Variants in TUSC3 observed in about 807,000 individuals in gnomAD.
The protein encoded by TUSC3 is dolichyl-diphosphooligosaccharide--protein glycosyltransferase subunit TUSC3.
Under a neutral mutation model 44.8 loss-of-function variants are expected in TUSC3, and 45 were observed. That is an observed-to-expected ratio of 1.00 (90% confidence interval 0.79 to 1.29). The LOEUF (loss-of-function observed/expected upper bound fraction) is 1.29. Ranked by LOEUF, TUSC3 falls within the 50% of genes most tolerant of loss-of-function variation. The probability of loss-of-function intolerance (pLI) is 0.00; values close to 1 mark genes in which losing one functional copy is unlikely to be tolerated. For missense variants in TUSC3, 519 were observed against 437.9 expected, an observed-to-expected ratio of 1.19 and a Z score of -1.65; for synonymous variants, 212 against 152.9, an observed-to-expected ratio of 1.39 and a Z score of -2.85.
At chr8:15,764,145 A>G (rs1370534216) in intron 10 of TUSC3, 58 bp from the exon 11 acceptor site, 3 of 1,441,890 alleles carry the variant, frequency 2.1e-6, no homozygotes, top group Non-Finnish European at 2.9e-6. Flanking sequence ...AATAACAAAC[A>G]TATTGTATTT....
At chr8:15,606,271 A>G (rs185637996) in intron 1 of TUSC3, among the ~76,000 whole-genome samples, 2 of 152,224 alleles carry the variant, frequency 1.3e-5, no homozygotes, top group East Asian at 1.9e-4. Context: ...ATACAGTACT[A>G]TAAATGTATT....
chr8:15,689,824 GT>G (rs2129189268), intron 6 of TUSC3, among the ~76,000 whole-genome samples: 1 of 25,154 alleles, frequency 4.0e-5, no homozygotes, highest in South Asian at 1.6e-3. Context: ...AGTCCATGGT[GT>G]GTGTGTGTGT....
At chr8:15,430,898 G>A (rs976871838) in intron 1 of TUSC3, among the ~76,000 whole-genome samples, 1 of 151,714 alleles carries the variant, frequency 6.6e-6, no homozygotes, top group African/African-American at 2.4e-5. Context: ...TTGTACACCA[G>A]TTACTAAAGA....
At chr8:15,704,255 G>GTGT (rs1809525237) in intron 6 of TUSC3, among the ~76,000 whole-genome samples, 1 of 137,080 alleles carries the variant, frequency 7.3e-6, no homozygotes, top group East Asian at 2.2e-4. Flanking sequence ...ATTCTTAATG[G>GTGT]TTTTTTTTTT....
intron 2 of TUSC3, among the ~76,000 whole-genome samples, chr8:15,627,320 C>T (rs1464069381): frequency 6.6e-6 from 1 of 152,182 alleles, no homozygotes; most frequent in Non-Finnish European, 1.5e-5. Context: ...GAAGACTTGT[C>T]AGGACATCCT....
At chr8:15,646,881 T>C (rs920015475) in intron 2 of TUSC3, among the ~76,000 whole-genome samples, 1 of 152,186 alleles carries the variant, frequency 6.6e-6, no homozygotes, top group Non-Finnish European at 1.5e-5. Context: ...GGTATAGATT[T>C]AACTCATCTC....
the TUSC3 span, among the ~76,000 whole-genome samples, chr8:15,850,431 T>G: frequency 6.6e-6 from 1 of 152,166 alleles, no homozygotes; most frequent in African/African-American, 2.4e-5. Flanking sequence ...TTGCTGACAT[T>G]TATATAATTA....
chr8:15,813,649 C>G, the TUSC3 span, among the ~76,000 whole-genome samples: 1 of 152,130 alleles, frequency 6.6e-6, no homozygotes, highest in African/African-American at 2.4e-5. Flanking sequence ...ATATATTAAT[C>G]TATAAAATAT....
chr8:15,601,409 C>G (rs1585141718), intron 1 of TUSC3, among the ~76,000 whole-genome samples: 1 of 151,566 alleles, frequency 6.6e-6, no homozygotes, highest in Non-Finnish European at 1.5e-5. Context: ...GGGAGAGATC[C>G]AGGCACACTG....
chr8:15,608,652 G>C (rs547925454), intron 1 of TUSC3, among the ~76,000 whole-genome samples: 1 of 152,100 alleles, frequency 6.6e-6, no homozygotes, highest in Admixed American at 6.6e-5. Flanking sequence ...TAGTGCGTGA[G>C]TCTCGTGAGA....
chr8:15,766,045 T>C lies in TUSC3; in HGVS notation c.*1889T>C, dbSNP rs1812316641. On this transcript the variant is annotated 3_prime_UTR_variant, in exon 11 of 11. Transcript: ENST00000503731. ...AAAGTCAGGTCATCCTCAGACACTATAACTAAGATAGATAAGGAGTACTTT... is the reference window on the plus strand; with the variant it reads ...AAAGTCAGGTCATCCTCAGACACTACAACTAAGATAGATAAGGAGTACTTT... The C allele has an allele frequency of 6.6e-6, 1 of 152,090 alleles. No individual in the cohort carries two copies. The highest frequency in any genetic ancestry group is 2.4e-5 in the African/African-American group (1 of 41,452). 9.4% of individuals were successfully genotyped at this position (152,090 alleles called of 1,614,324 possible).
Position 15,528,841 on chromosome 8 carries a change from A to G in TUSC3, n.189+45358A>G, listed in dbSNP as rs569528260. 5.9e-5 allele frequency among the ~76,000 whole-genome samples: 9 copies of G among 152,322 alleles called. No individual in the cohort carries two copies. The East Asian group carries it at 1.4e-3, about 23-fold the overall frequency. On this transcript the variant is annotated intron_variant and non_coding_transcript_variant, in intron 2 of 5. Coordinates refer to the TUSC3 transcript ENST00000503191. Reference sequence around the variant, plus strand: ...TACCTTGAATTTTCTTAGTGAGTCTAGGAAAACTCTGAATGCATTATGCCA... The same window carrying G: ...TACCTTGAATTTTCTTAGTGAGTCTGGGAAAACTCTGAATGCATTATGCCA...
the TUSC3 span, among the ~76,000 whole-genome samples, chr8:15,827,235 G>C: frequency 2.6e-5 from 4 of 152,226 alleles, no homozygotes; most frequent in South Asian, 6.2e-4. Flanking sequence ...TGATCTATTA[G>C]GGAGCACTAA....
chr8:15,436,758 G>A (rs1192871768), intron 1 of TUSC3, among the ~76,000 whole-genome samples: 1 of 152,098 alleles, frequency 6.6e-6, no homozygotes, highest in Non-Finnish European at 1.5e-5. Context: ...TAGTGTGCAA[G>A]TGTCACTCAC....
intron 2 of TUSC3, among the ~76,000 whole-genome samples, chr8:15,496,545 T>G (rs2129126417): frequency 6.6e-6 from 1 of 152,328 alleles, no homozygotes; most frequent in Non-Finnish European, 1.5e-5. Flanking sequence ...GACAAGGTCT[T>G]ACTTTTGGGA....
At chr8:15,574,078 G>T (rs566952106) in intron 1 of TUSC3, among the ~76,000 whole-genome samples, 1 of 152,166 alleles carries the variant, frequency 6.6e-6, no homozygotes, top group South Asian at 2.1e-4. Context: ...GTCTTGGATG[G>T]ACCTAACAAG....
intron 1 of TUSC3, among the ~76,000 whole-genome samples, chr8:15,616,540 G>GC (rs1164756980): frequency 3.3e-5 from 5 of 152,216 alleles, no homozygotes; most frequent in African/African-American, 1.2e-4. Flanking sequence ...TAGCACCACT[G>GC]CCCTCCAGCC....
chr8:15,641,001 C>G (rs919420762), intron 2 of TUSC3, among the ~76,000 whole-genome samples: 2 of 152,104 alleles, frequency 1.3e-5, no homozygotes, highest in African/African-American at 4.8e-5. Flanking sequence ...CTAGACATAC[C>G]TCTTTGCCAT....
intron 6 of TUSC3, among the ~76,000 whole-genome samples, chr8:15,679,902 T>C (rs1244915786): frequency 6.6e-6 from 1 of 152,138 alleles, no homozygotes; most frequent in Admixed American, 6.6e-5. Flanking sequence ...TGTAGATGTG[T>C]AACTTTACTT....
Sources: gnomAD v4.1 joint callset for allele counts (sites outside exome capture counted in the v4.1 genomes callset) on GRCh38, gnomAD v4.1.1 for gene constraint, MANE v1.5 for transcripts, NCBI Gene and HGNC (gene_info 2026-07-23, HGNC 2026-07-21) for gene names.